Variants in HSDL2 observed in about 807,000 individuals in gnomAD.
The protein encoded by HSDL2 is hydroxysteroid dehydrogenase like 2.
In HSDL2, 27 loss-of-function variants were observed where a neutral mutation model predicts 46.3. The observed-to-expected ratio is 0.58, with a 90% CI of 0.43 to 0.80. The LOEUF (loss-of-function observed/expected upper bound fraction) is 0.80. HSDL2 is among the 30% of genes least tolerant of loss of function. HSDL2 has a pLI of 0.00. For synonymous variants in HSDL2, 153 were observed against 163.6 expected, an observed-to-expected ratio of 0.94 and a Z score of 0.50; for missense variants, 451 against 502.7, an observed-to-expected ratio of 0.90 and a Z score of 0.98.
chr9:112,464,841 C>T (rs1259925359), intron 10 of HSDL2, among the ~76,000 whole-genome samples: 1 of 152,192 alleles, frequency 6.6e-6, no homozygotes, highest in Non-Finnish European at 1.5e-5. Context: ...CCCACCTCTA[C>T]CCCTAAACAA....
intron 7 of HSDL2, among the ~76,000 whole-genome samples, chr9:112,439,112 C>T (rs1832589712): frequency 6.6e-6 from 1 of 152,108 alleles, no homozygotes. Flanking sequence ...GCAATCCTTC[C>T]ACCTCAGCCT....
intron 1 of HSDL2, among the ~76,000 whole-genome samples, chr9:112,388,655 G>A (rs1314123379): frequency 1.3e-5 from 2 of 151,976 alleles, no homozygotes; most frequent in Non-Finnish European, 2.9e-5. Context: ...TCAGGAGGCT[G>A]AGGCAGGAGA....
intron 4 of HSDL2, among the ~76,000 whole-genome samples, chr9:112,412,609 A>G (rs1397079609): frequency 6.6e-6 from 1 of 152,238 alleles, no homozygotes; most frequent in Non-Finnish European, 1.5e-5. Context: ...TAGTAATCAT[A>G]ACTATAGACT....
At chr9:112,429,025 A>G (rs1020769815) in intron 6 of HSDL2, among the ~76,000 whole-genome samples, 1 of 152,142 alleles carries the variant, frequency 6.6e-6, no homozygotes, top group African/African-American at 2.4e-5. Flanking sequence ...CAGCCTCCCA[A>G]GTAGCTGGGA....
intron 1 of HSDL2, among the ~76,000 whole-genome samples, chr9:112,392,778 A>G (rs12685882): frequency 0.013 from 2,006 of 152,368 alleles, 74 homozygotes; most frequent in East Asian, 0.1. Context: ...CAATTTGTAC[A>G]GTTAACACAA....
chr9:112,453,217 T>C (rs1158906572), intron 8 of HSDL2, among the ~76,000 whole-genome samples: 1 of 152,160 alleles, frequency 6.6e-6, no homozygotes, highest in East Asian at 1.9e-4. Flanking sequence ...ACTTGGGTGT[T>C]GATTCAAGCT....
chr9:112,436,241 TCAAA>T (rs1832521811), intron 6 of HSDL2, among the ~76,000 whole-genome samples: 1 of 74,218 alleles, frequency 1.3e-5, no homozygotes. Flanking sequence ...AGACCCTATC[TCAAA>T]AAAAAAAAAA....
At chr9:112,385,851 G>A (rs1831207766) in intron 1 of HSDL2, among the ~76,000 whole-genome samples, 1 of 151,798 alleles carries the variant, frequency 6.6e-6, no homozygotes, top group African/African-American at 2.4e-5. Flanking sequence ...CTGGTCTTGA[G>A]CTGACTTCAG....
intron 9 of HSDL2, among the ~76,000 whole-genome samples, chr9:112,455,183 C>T (rs541854834): frequency 6.6e-5 from 10 of 151,958 alleles, no homozygotes; most frequent in South Asian, 4.2e-4. Context: ...TAGTACACTG[C>T]GATCGCATCT....
intron 1 of HSDL2, among the ~76,000 whole-genome samples, chr9:112,381,088 T>TGCACACACACACACACAC (rs371393566): frequency 7.5e-6 from 1 of 134,154 alleles, no homozygotes; most frequent in East Asian, 2.0e-4. Context: ...TACATCCGGA[T>TGCACACACACACACACAC]ACACACACAC....
At chr9:112,432,724 C>T (rs1453462472) in intron 6 of HSDL2, among the ~76,000 whole-genome samples, 1 of 152,176 alleles carries the variant, frequency 6.6e-6, no homozygotes, top group Non-Finnish European at 1.5e-5. Context: ...AATTTACAGT[C>T]ATGTTCCTTG....
At chr9:112,427,657 A>C (rs908395737) in intron 6 of HSDL2, among the ~76,000 whole-genome samples, 2 of 151,908 alleles carry the variant, frequency 1.3e-5, no homozygotes, top group African/African-American at 4.8e-5. Flanking sequence ...TTTTCTTGCC[A>C]CTTATTTCTT....
chr9:112,424,207 G>C (rs1292626810), intron 6 of HSDL2, among the ~76,000 whole-genome samples: 7 of 150,916 alleles, frequency 4.6e-5, no homozygotes, highest in African/African-American at 1.7e-4. Flanking sequence ...TGTAATCCCA[G>C]CTACTTGGGA....
rs374023828 is a variant in HSDL2 at position 112,458,762 on chromosome 9, AC to A, written c.1016-686del. 3.9e-3 allele frequency among the ~76,000 whole-genome samples: 594 copies of A among 152,002 alleles called. 2 individuals are homozygous for A. The highest frequency in any genetic ancestry group is 0.014 in the African/African-American group (566 of 41,510). On this transcript the variant is annotated intron_variant, in intron 9 of 10. Transcript: ENST00000398805. The stretch of plus-strand genomic sequence containing the variant: ...TTTGGGAGGCCGAGGTGGGCAGATC[AC>A]GAGGTCAGGAGATCGAGACCATCCT...
At chr9:112,405,476 A>G (rs1831704892) in intron 2 of HSDL2, 148 bp from the exon 3 acceptor site, 1 of 551,822 alleles carries the variant, frequency 1.8e-6, no homozygotes, top group East Asian at 3.1e-5. Flanking sequence ...CTGTCCTGCT[A>G]TATGGTAGAG....
rs1831708036 is a variant in HSDL2, at chr9:112,405,626, G to C, written c.184G>C (p.Glu62Gln). 5.0e-6 allele frequency: 8 copies of C among 1,602,498 alleles called. No individual in the cohort carries two copies. Among genetic ancestry groups the C allele is most frequent in the Non-Finnish European group, 6.8e-6 (8 of 1,170,770 alleles). ...GTIYTAAEEI[E>Q]AVGGKALPCI... is the part of the protein sequence containing the mutation. The stretch of plus-strand genomic sequence containing the variant: ...TCATTTTGTATCCTTTATATAAGTT[G>C]AAGCAGTTGGAGGAAAGGCCTTGCC... Residue 62 changes from glutamate to glutamine, a missense_variant and splice_region_variant, in exon 3 of 11, where the codon GAA (glutamate) becomes CAA (glutamine). Physicochemically the swap from Glu to Gln is conservative, Grantham distance 29 (BLOSUM62 2). Coordinates refer to ENST00000398805, the MANE Select transcript of HSDL2 (RefSeq NM_032303.5).
intron 1 of HSDL2, among the ~76,000 whole-genome samples, chr9:112,400,891 C>CTCCAA (rs1831575357): frequency 6.6e-6 from 1 of 152,088 alleles, no homozygotes; most frequent in Non-Finnish European, 1.5e-5. Flanking sequence ...GACACCTGTC[C>CTCCAA]GATTGGAGTA....
chr9:112,418,525 G>A (rs1361657068), intron 5 of HSDL2, among the ~76,000 whole-genome samples: 2 of 148,986 alleles, frequency 1.3e-5, no homozygotes, highest in African/African-American at 5.0e-5. Flanking sequence ...AGAGGCTGCA[G>A]TGAATCGTAA....
chr9:112,469,426 T>C (rs1833498112), intron 10 of HSDL2, among the ~76,000 whole-genome samples: 1 of 151,792 alleles, frequency 6.6e-6, no homozygotes, highest in South Asian at 2.1e-4. Flanking sequence ...GCCAGATGGC[T>C]CACATCTGTA....
Sources: gnomAD v4.1 joint callset for allele counts (sites outside exome capture counted in the v4.1 genomes callset) on GRCh38, gnomAD v4.1.1 for gene constraint, MANE v1.5 for transcripts, NCBI Gene and HGNC (gene_info 2026-07-23, HGNC 2026-07-21) for gene names.